The following BICRA variants were observed in gnomAD, a reference collection of about 807,000 sequenced individuals.
The protein encoded by BICRA is BRD4-interacting chromatin-remodeling complex-associated protein.
A neutral mutation model predicts 96.9 loss-of-function variants in BICRA; 31 were observed. The ratio of observed to expected loss-of-function variants is 0.32; its 90% CI spans 0.24 to 0.43. The LOEUF is 0.43. Ranked by LOEUF, BICRA falls within the 20% of genes least tolerant of loss-of-function variation. The pLI, the probability that BICRA is intolerant of heterozygous loss-of-function variation, is 1.00. For synonymous variants in BICRA, 1,350 were observed against 1,071.8 expected (o/e 1.26, Z -5.07); for missense variants, 2,283 against 2,190.3 (o/e 1.04, Z -0.84).
rs1200561643 is a variant in BICRA at position 47,702,095 on chromosome 19, G to A, written c.4363G>A (p.Ala1455Thr). The A allele has an allele frequency of 3.3e-6, 5 of 1,516,318 alleles. No homozygotes were observed. The highest frequency in any genetic ancestry group is 3.5e-6 in the Non-Finnish European group (4 of 1,140,386). 93.9% of individuals were successfully genotyped at this position (1,516,318 alleles called of 1,614,324 possible). A position where few individuals can be genotyped will look rare whatever the true frequency, so the allele number is the denominator to read the frequency against. ...KGPPPEPAAS[A>T]AQGTGDPDWE... ...CCCCCCGCCAGAGCCCGCAGCCAGC[G>A]CCGCCCAAGGCACCGGGGACCCCGA... The change falls in exon 15 of 15, where the codon GCC (alanine) becomes ACC (threonine). Residue 1455 changes from alanine (A) to threonine (T), a missense_variant. By Grantham distance (58) the Ala-to-Thr change is moderately conservative. Transcript: ENST00000594866.
At chr19:47,624,719 G>A (rs1282233379) in intron 1 of BICRA, among the ~76,000 whole-genome samples, 1 of 151,474 alleles carries the variant, frequency 6.6e-6, no homozygotes, top group East Asian at 1.9e-4. Flanking sequence ...TTGGAAGATA[G>A]GGTCTCATTC....
chr19:47,656,069 G>GACACACACACAC lies in BICRA; in HGVS notation c.-107-14343_-107-14332dup, dbSNP rs60179476. 9.4e-3 allele frequency among the ~76,000 whole-genome samples: 1,248 copies of GACACACACACAC among 132,208 alleles called. 7 individuals carry two copies. The highest frequency in any genetic ancestry group is 0.015 in the South Asian group (60 of 3,898). 86.7% of individuals were successfully genotyped at this position (132,208 alleles called of 152,430 possible). ...GGGGAACATGGTGAGATCCTGTCTC[G>GACACACACACAC]ACACACACACACACACACACACACA... On this transcript the variant is annotated intron_variant, in intron 1 of 14. Transcript: ENST00000594866.
At chr19:47,610,552 CTGG>C (rs1971887768) in intron 1 of BICRA, among the ~76,000 whole-genome samples, 1 of 152,006 alleles carries the variant, frequency 6.6e-6, no homozygotes, top group Admixed American at 6.6e-5. Context: ...TGTCCCCATC[CTGG>C]TGGGCTGCAG....
intron 1 of BICRA, chr19:47,615,932 A>C (rs1204905468): frequency 6.6e-6 from 1 of 152,442 alleles, no homozygotes; most frequent in Admixed American, 6.5e-5. Flanking sequence ...CTAGCAAATG[A>C]TGCTGCTGTT....
chr19:47,664,152 C>T (rs561540022), intron 1 of BICRA, among the ~76,000 whole-genome samples: 1 of 152,160 alleles, frequency 6.6e-6, no homozygotes, highest in African/African-American at 2.4e-5. Flanking sequence ...TGATATCGTT[C>T]TGGAGACTTT....
In BICRA at chr19:47,679,977, C is replaced by A. The variant is rs374629203; in HGVS notation, c.807C>A (p.Pro269=). Residue 269 remains proline (P), a synonymous_variant, in exon 6 of 15, where the codon CCC becomes CCA. Transcript: ENST00000594866. Reference sequence around the variant, plus strand: ...GCTACCTGGCCTCGGCGGCTGGCCCCTCGGAGCCCGTGACGCTGGCGTCGG... The same window carrying A: ...GCTACCTGGCCTCGGCGGCTGGCCCATCGGAGCCCGTGACGCTGGCGTCGG... ...VSGYLASAAG[P]SEPVTLASAG... The A allele has an allele frequency of 5.7e-4, 842 of 1,482,256 alleles. 1 individual carries two copies. Among genetic ancestry groups the A allele is most frequent in the Non-Finnish European group, 7.2e-4 (810 of 1,124,732 alleles). The allele number at this position is 1,482,256 out of a possible 1,614,324, so 91.8% of individuals were successfully genotyped here.
At chr19:47,631,778 A>G (rs1972225377) in intron 1 of BICRA, among the ~76,000 whole-genome samples, 6 of 152,050 alleles carry the variant, frequency 3.9e-5, no homozygotes. Flanking sequence ...CCTCCCAAGT[A>G]GCTGGGACTA....
chr19:47,702,166 G>A lies in BICRA; in HGVS notation c.4434G>A (p.Glu1478=). The part of the protein sequence containing the change: ...GLPPAKRRKS[E]SPDVDQASFS... ...CCCCTGCCAAGCGGCGCAAGTCCGA[G>A]TCGCCCGACGTGGACCAGGCCAGCT... The change falls in exon 15 of 15, where the codon GAG becomes GAA. Residue 1478 remains glutamate (E), a synonymous_variant. Transcript: ENST00000594866. 6.4e-7 allele frequency: 1 copy of A among 1,571,096 alleles called. No individual in the cohort carries two copies. Among genetic ancestry groups the A allele is most frequent in the Non-Finnish European group, 8.6e-7 (1 of 1,166,052 alleles).
chr19:47,681,016 G>C lies in BICRA; in HGVS notation c.1846G>C (p.Ala616Pro). ...CCCTGCCGCTGCCACCGGGGAGGCC[G>C]CGCCTGTCCTCACGGTGCAGCCTGC... ...ATPAAATGEA[A>P]PVLTVQPAPQ... The change falls in exon 6 of 15, where the codon GCG (alanine) becomes CCG (proline). Residue 616 changes from alanine (A) to proline (P), a missense_variant. Coordinates refer to ENST00000594866, the MANE Select transcript of BICRA (RefSeq NM_001394372.1). The C allele has an allele frequency of 6.9e-7, 1 of 1,447,156 alleles. No homozygotes were observed. The highest frequency in any genetic ancestry group is 3.0e-5 in the East Asian group (1 of 33,528). 89.6% of individuals were successfully genotyped at this position (1,447,156 alleles called of 1,614,324 possible). A position where few individuals can be genotyped will look rare whatever the true frequency, so the allele number is the denominator to read the frequency against.
At chr19:47,682,249 C>G in intron 7 of BICRA, 97 bp downstream of exon 7, 1 of 600,162 alleles carries the variant, frequency 1.7e-6, no homozygotes, top group Non-Finnish European at 2.9e-6. Context: ...GCCTGCGTCT[C>G]TGTTCTGCTG....
chr19:47,696,355 C>G, intron 10 of BICRA, 96 bp from the exon 11 acceptor site: 1 of 1,147,638 alleles, frequency 8.7e-7, no homozygotes, highest in Non-Finnish European at 1.3e-6. Context: ...GACACTGGTC[C>G]CCTGTCCCGT....
chr19:47,613,418 A>G (rs1971938721), intron 1 of BICRA, among the ~76,000 whole-genome samples: 1 of 152,154 alleles, frequency 6.6e-6, no homozygotes, highest in African/African-American at 2.4e-5. Flanking sequence ...CTTGGAAGGC[A>G]GAGGGGCTGC....
At chr19:47,638,724 C>T (rs150935349) in intron 1 of BICRA, among the ~76,000 whole-genome samples, 1,601 of 152,130 alleles carry the variant, frequency 0.011, 22 homozygotes, top group African/African-American at 0.037. Context: ...GGTGCAATCT[C>T]GGCTCACTGC....
chr19:47,647,372 C>T (rs532836028), intron 1 of BICRA, among the ~76,000 whole-genome samples: 11 of 152,248 alleles, frequency 7.2e-5, no homozygotes, highest in Admixed American at 5.2e-4. Context: ...GACTCTTCCA[C>T]GGCAGCGGCA....
At position 47,648,137 on chromosome 19, in the gene BICRA, G is replaced by T. The variant is rs116707611; in HGVS notation, c.-107-22306G>T. Among the ~76,000 whole-genome samples the T allele has an allele frequency of 1.7e-3, 253 of 152,046 alleles. 1 individual carries two copies. The highest frequency in any genetic ancestry group is 5.7e-3 in the African/African-American group (238 of 41,484). ...GTCCCTCTCTCTGTCTCTCTGAACT[G>T]CTCGTTCCCTCCTTGCCTTCTGTGC... On this transcript the variant is annotated intron_variant, in intron 1 of 14. Transcript: ENST00000594866.
In BICRA at chr19:47,680,901, G is replaced by A. The variant is rs1450389334; in HGVS notation, c.1731G>A (p.Pro577=). The change falls in exon 6 of 15, where the codon CCG becomes CCA. Residue 577 remains proline (P), a synonymous_variant. Transcript: ENST00000594866. ...PTQSQPAPAG[P]AATTVLQGVT... ...AGAGCCAGCCAGCGCCCGCCGGGCCGGCCGCCACCACTGTCCTCCAGGGGG... is the reference window on the plus strand; with the variant it reads ...AGAGCCAGCCAGCGCCCGCCGGGCCAGCCGCCACCACTGTCCTCCAGGGGG... 1.2e-5 allele frequency: 18 copies of A among 1,485,302 alleles called. No individual in the cohort carries two copies. The highest frequency in any genetic ancestry group is 1.4e-5 in the African/African-American group (1 of 69,496). The allele number at this position is 1,485,302 out of a possible 1,614,324, so 92.0% of individuals were successfully genotyped here.
intron 1 of BICRA, among the ~76,000 whole-genome samples, chr19:47,648,060 G>T (rs555290738): frequency 1.3e-5 from 2 of 152,102 alleles, no homozygotes; most frequent in South Asian, 4.2e-4. Flanking sequence ...ATCAGTCTTT[G>T]TGGAGCGTCT....
chr19:47,693,915 G>C (rs1973280198), intron 7 of BICRA, among the ~76,000 whole-genome samples, 200 bp from the exon 8 acceptor site: 1 of 152,138 alleles, frequency 6.6e-6, no homozygotes, highest in Non-Finnish European at 1.5e-5. Context: ...CAGAGGTCGA[G>C]GGCAGGTGGA....
At position 47,702,324 on chromosome 19, in the gene BICRA, C is replaced by T. The variant is rs754186082; in HGVS notation, c.4592C>T (p.Thr1531Ile). Residue 1531 changes from threonine to isoleucine, a missense_variant, in exon 15 of 15, where the codon ACC (threonine) becomes ATC (isoleucine). Thr to Ile is a moderately conservative substitution (Grantham distance 89). Transcript: ENST00000594866. ...TACCCCCACGCTGCCTCGGCCGGCA[C>T]CCCCGCATCCCCGCCGCCCCTGCAC... ...PSYPHAASAG[T>I]PASPPPLHRP... 6.3e-5 allele frequency: 97 copies of T among 1,551,940 alleles called. No homozygotes were observed. The highest frequency in any genetic ancestry group is 3.9e-4 in the Middle Eastern group (2 of 5,088).
Sources: allele counts gnomAD v4.1 joint callset (sites outside exome capture counted in the v4.1 genomes callset), GRCh38; gene constraint gnomAD v4.1.1; transcripts MANE v1.5; gene names NCBI Gene and HGNC (gene_info 2026-07-23, HGNC 2026-07-21).